The following PMS1 variants were observed in gnomAD, a reference collection of about 807,000 sequenced individuals.
The protein encoded by PMS1 is PMS1 protein homolog 1.
PMS1 carries 79 observed loss-of-function variants against 93.1 expected under a neutral mutation model. The ratio of observed to expected loss-of-function variants is 0.85; its 90% confidence interval spans 0.71 to 1.02. The LOEUF (loss-of-function observed/expected upper bound fraction) is 1.02. Ranked by LOEUF, PMS1 falls within the 50% of genes least tolerant of loss-of-function variation. PMS1 has a pLI of 0.00. For synonymous variants in PMS1, 335 were observed against 363.4 expected, an observed-to-expected ratio of 0.92 and a Z score of 0.89; for missense variants, 1,064 against 1,085.3, an observed-to-expected ratio of 0.98 and a Z score of 0.28.
At chr2:189,832,242 G>A (rs893973091) in intron 5 of PMS1, among the ~76,000 whole-genome samples, 10 of 152,162 alleles carry the variant, frequency 6.6e-5, no homozygotes, top group African/African-American at 2.4e-4. Context: ...ATGCAGAAGA[G>A]ATGATTGGGA....
chr2:189,813,975 A>C (rs2051055822), intron 4 of PMS1, among the ~76,000 whole-genome samples: 2 of 152,184 alleles, frequency 1.3e-5, no homozygotes, highest in South Asian at 4.1e-4. Context: ...CAAAGAATGA[A>C]GTGAGGTCTC....
intron 10 of PMS1, among the ~76,000 whole-genome samples, chr2:189,865,204 T>A (rs1027742420): frequency 2.0e-5 from 3 of 152,138 alleles, no homozygotes; most frequent in Non-Finnish European, 4.4e-5. Flanking sequence ...TTTTAAAAAA[T>A]TTATATTTAA....
intron 4 of PMS1, among the ~76,000 whole-genome samples, chr2:189,815,490 C>G (rs2051214502): frequency 6.6e-6 from 1 of 152,158 alleles, no homozygotes; most frequent in Non-Finnish European, 1.5e-5. Flanking sequence ...CTCACGAGAT[C>G]CAATGGTTTT....
At chr2:189,834,553 A>G (rs1170651596) in intron 5 of PMS1, among the ~76,000 whole-genome samples, 1 of 152,252 alleles carries the variant, frequency 6.6e-6, no homozygotes, top group East Asian at 1.9e-4. Flanking sequence ...TACACAAGGA[A>G]TGGAGAAGAG....
intron 1 of PMS1, among the ~76,000 whole-genome samples, chr2:189,789,824 T>C (rs1035135191): frequency 2.0e-5 from 3 of 152,178 alleles, no homozygotes; most frequent in African/African-American, 7.2e-5. Flanking sequence ...TTTGGTCCAA[T>C]AAAATCTTGA....
chr2:189,791,032 A>C (rs116325203), intron 1 of PMS1, among the ~76,000 whole-genome samples: 2,767 of 152,288 alleles, frequency 0.018, 96 homozygotes, highest in African/African-American at 0.063. Flanking sequence ...TCCTGGAAGA[A>C]ATTAGAAAAA....
Position 189,857,532 on chromosome 2 carries a change from C to A in PMS1, c.1856+2404C>A, listed in dbSNP as rs5743144. The A allele has an allele frequency of 1.8e-3, 824 of 461,880 alleles. 7 individuals carry two copies. Among genetic ancestry groups the A allele is most frequent in the African/African-American group, 0.015 (763 of 49,820 alleles). 28.6% of individuals were successfully genotyped at this position (461,880 alleles called of 1,614,324 possible). On this transcript the variant is annotated intron_variant, in intron 9 of 12. Transcript: ENST00000441310. Reference sequence around the variant, plus strand: ...ATATTAAGAGATATGAGAGTAGACGCCTCTTCTATAGACCTTCAGTCCATC... The same window carrying A: ...ATATTAAGAGATATGAGAGTAGACGACTCTTCTATAGACCTTCAGTCCATC...
chr2:189,810,314 C>T (rs1369170018), intron 4 of PMS1, among the ~76,000 whole-genome samples: 2 of 152,156 alleles, frequency 1.3e-5, no homozygotes, highest in Non-Finnish European at 2.9e-5. Flanking sequence ...AACTTGTAGT[C>T]TTTAAACTCA....
intron 6 of PMS1, among the ~76,000 whole-genome samples, chr2:189,851,706 C>T (rs2054747074): frequency 1.3e-5 from 2 of 152,092 alleles, no homozygotes; most frequent in South Asian, 2.1e-4. Flanking sequence ...TTTTTCTCAA[C>T]CTAAGCTAAA....
chr2:189,806,588 G>A (rs2050371010), intron 4 of PMS1: 1 of 197,364 alleles, frequency 5.1e-6, no homozygotes, highest in African/African-American at 2.3e-5. Context: ...AGTAGAGACA[G>A]GGTTTTGCTG....
Position 189,864,138 on chromosome 2 carries a change from G to A in PMS1, c.2252G>A (p.Arg751Lys). 1 of 1,612,256 alleles carries A rather than the reference G, an allele frequency of 6.2e-7. No homozygotes were observed. Among genetic ancestry groups the A allele is most frequent in the Non-Finnish European group, 8.5e-7 (1 of 1,178,656 alleles). ...KTEVMLLNPY[R>K]VEEALLFKRL... The stretch of plus-strand genomic sequence containing the variant: ...GAGGTAATGTTATTAAATCCATATA[G>A]AGTAGAAGAAGCCCTGCTATTTAAA... Residue 751 changes from arginine to lysine, a missense_variant, in exon 10 of 13, where the codon AGA (arginine) becomes AAA (lysine). By Grantham distance (26) the Arg-to-Lys change is conservative. Coordinates refer to ENST00000441310, the MANE Select transcript of PMS1 (RefSeq NM_000534.5).
rs1424949882 is a variant in PMS1, at chr2:189,877,462, AC to A, written c.*28del. On this transcript the variant is annotated 3_prime_UTR_variant, in exon 13 of 13. Coordinates refer to ENST00000441310, the MANE Select transcript of PMS1 (RefSeq NM_000534.5). ...TTAAATATGTTTAAGAAGATTAGTT[AC>A]CATTGAAATTGGTTCTGTCATAAAA... is the stretch of plus-strand genomic sequence containing the variant. 3.3e-6 allele frequency: 5 copies of A among 1,532,308 alleles called. No individual in the cohort carries two copies. The allele number at this position is 1,532,308 out of a possible 1,614,324, so 94.9% of individuals were successfully genotyped here.
chr2:189,850,920 A>G (rs2106441637), intron 6 of PMS1, among the ~76,000 whole-genome samples: 1 of 152,304 alleles, frequency 6.6e-6, no homozygotes, highest in Middle Eastern at 3.4e-3. Flanking sequence ...GGCGGACCAT[A>G]GTTGAGAAGC....
Position 189,843,971 on chromosome 2 carries a change from T to A in PMS1, c.590T>A (p.Ile197Asn), listed in dbSNP as rs185306467. Residue 197 changes from isoleucine to asparagine, a missense_variant, in exon 6 of 13, where the codon ATT (isoleucine) becomes AAT (asparagine). Coordinates refer to ENST00000441310, the MANE Select transcript of PMS1 (RefSeq NM_000534.5). ...RIVFVHNKAVIWQKSRVSDHK... is the reference protein window; with the variant it reads ...RIVFVHNKAVNWQKSRVSDHK... Reference sequence around the variant, plus strand: ...TATCATTTTTGTCCCTAGGCAGTTATTTGGCAGAAAAGCAGAGTATCAGAT... The same window carrying A: ...TATCATTTTTGTCCCTAGGCAGTTAATTGGCAGAAAAGCAGAGTATCAGAT... The A allele has an allele frequency of 3.0e-5, 48 of 1,613,720 alleles. No individual in the cohort carries two copies. The African/African-American group carries it at 5.5e-4, about 18-fold the overall frequency.
At chr2:189,860,799 AATT>A in intron 9 of PMS1, among the ~76,000 whole-genome samples, 1 of 82,072 alleles carries the variant, frequency 1.2e-5, no homozygotes, top group Non-Finnish European at 2.2e-5. Context: ...ATCTTTGAGG[AATT>A]TTTTTTTTTT....
chr2:189,843,561 G>A (rs17806132), intron 5 of PMS1, among the ~76,000 whole-genome samples: 17,021 of 152,256 alleles, frequency 0.11, 1,201 homozygotes, highest in Middle Eastern at 0.18. Context: ...CTTACTTGAA[G>A]CAGCAATTTG....
chr2:189,827,977 G>A (rs554438112), intron 5 of PMS1, among the ~76,000 whole-genome samples: 3 of 152,244 alleles, frequency 2.0e-5, no homozygotes, highest in African/African-American at 7.2e-5. Flanking sequence ...AGGCTGGAGT[G>A]CAGTGGTGTG....
intron 5 of PMS1, 83 bp downstream of exon 5, chr2:189,818,263 C>A: frequency 1.1e-6 from 1 of 907,862 alleles, no homozygotes; most frequent in Non-Finnish European, 1.7e-6. Flanking sequence ...TAGATATGGG[C>A]TATGACTAAA....
At chr2:189,826,473 C>G (rs1420621561) in intron 5 of PMS1, among the ~76,000 whole-genome samples, 1 of 146,558 alleles carries the variant, frequency 6.8e-6, no homozygotes. Flanking sequence ...TTGCTACTTA[C>G]AAATTAATGA....
Sources: gnomAD v4.1 joint callset for allele counts (sites outside exome capture counted in the v4.1 genomes callset) on GRCh38, gnomAD v4.1.1 for gene constraint, MANE v1.5 for transcripts, NCBI Gene and HGNC (gene_info 2026-07-23, HGNC 2026-07-21) for gene names.